The following FREM1 variants were observed in gnomAD, a reference collection of about 807,000 sequenced individuals.
FREM1 encodes FRAS1 related extracellular matrix 1, also known as FRAS1-related extracellular matrix protein 1.
In FREM1, 220 loss-of-function variants were observed where a neutral mutation model predicts 210.1. The ratio of observed to expected loss-of-function variants is 1.05; its 90% CI spans 0.94 to 1.17. The LOEUF (loss-of-function observed/expected upper bound fraction) is 1.17. FREM1 is among the 50% of genes most tolerant of loss of function. The pLI is 0.00. For synonymous variants in FREM1, 1,189 were observed against 980.2 expected (o/e 1.21, Z -3.98); for missense variants, 3,454 against 2,675.5 (o/e 1.29, Z -6.42).
At chr9:14,864,182 TC>T (rs972879552) in intron 2 of FREM1, among the ~76,000 whole-genome samples, 3 of 152,222 alleles carry the variant, frequency 2.0e-5, no homozygotes, top group African/African-American at 7.2e-5. Flanking sequence ...TAAATAAGTG[TC>T]TTTTTACCAC....
chr9:14,895,628 T>C (rs753212618), intron 1 of FREM1, among the ~76,000 whole-genome samples: 1 of 152,084 alleles, frequency 6.6e-6, no homozygotes, highest in Non-Finnish European at 1.5e-5. Context: ...GCCTTACTGT[T>C]GTGGAATATA....
At chr9:14,892,302 C>T (rs1319154483) in intron 1 of FREM1, among the ~76,000 whole-genome samples, 1 of 152,130 alleles carries the variant, frequency 6.6e-6, no homozygotes, top group Non-Finnish European at 1.5e-5. Flanking sequence ...ATCATTTGCA[C>T]ACACAAATTG....
rs1340162792 is a variant in FREM1, at chr9:14,836,777, GCTGTTCCCCATT to G, written c.1881+4658_1881+4669del. ...ATCAATCCCAGGAGGAGCCCTAACT[GCTGTTCCCCATT>G]CAACGCCCCTTTTAAGTAGGAAGTA... On this transcript the variant is annotated intron_variant, in intron 10 of 36. Transcript: ENST00000380880. This position sits in a 1 kb window ranked among gnomAD's most constrained non-coding sequence, Gnocchi z 4.9. Among the ~76,000 whole-genome samples, 1 of 152,168 alleles carries G rather than the reference GCTGTTCCCCATT, an allele frequency of 6.6e-6. No individual in the cohort carries two copies. Among genetic ancestry groups the G allele is most frequent in the African/African-American group, 2.4e-5 (1 of 41,422 alleles).
rs568943579 is a variant in FREM1 at position 14,804,008 on chromosome 9, T to C, written c.3471+948A>G. 1.7e-3 allele frequency among the ~76,000 whole-genome samples: 262 copies of C among 152,192 alleles called. 1 individual carries two copies. The highest frequency in any genetic ancestry group is 5.9e-3 in the African/African-American group (247 of 41,522). On this transcript the variant is annotated intron_variant, in intron 19 of 36. Transcript: ENST00000380880. ...TTGCAGATTGAATAGATTATTGAGA[T>C]TAGGACAACAAAAATTTTAGATCAA...
At chr9:14,759,993 G>A in intron 27 of FREM1, 92 bp from the exon 28 acceptor site, 1 of 987,838 alleles carries the variant, frequency 1.0e-6, no homozygotes, top group Non-Finnish European at 1.5e-6. Flanking sequence ...AAACGTGGTT[G>A]ATCAACCTAC....
intron 8 of FREM1, among the ~76,000 whole-genome samples, chr9:14,844,784 G>A (rs1360652903): frequency 2.0e-5 from 3 of 152,186 alleles, no homozygotes; most frequent in Non-Finnish European, 2.9e-5. Flanking sequence ...GGAAATTGTT[G>A]TATTGTGCTC....
At chr9:14,751,728 T>A (rs1415338543) in intron 29 of FREM1, 1 of 152,128 alleles carries the variant, frequency 6.6e-6, no homozygotes, top group Non-Finnish European at 1.5e-5. Context: ...CAACTGTCCA[T>A]CTATATGGTG....
intron 26 of FREM1, among the ~76,000 whole-genome samples, 183 bp downstream of exon 26, chr9:14,770,422 T>A (rs1338444959): frequency 1.3e-5 from 2 of 152,168 alleles, no homozygotes; most frequent in East Asian, 1.9e-4. Flanking sequence ...CCAGTCAGGA[T>A]AAATTTAGGA....
intron 24 of FREM1, among the ~76,000 whole-genome samples, chr9:14,780,531 A>G (rs1165934912): frequency 6.6e-6 from 1 of 151,854 alleles, no homozygotes; most frequent in Non-Finnish European, 1.5e-5. Context: ...CAGCTTGCTA[A>G]TCACTCGGTG....
At position 14,797,653 on chromosome 9, in the gene FREM1, G is replaced by A; in HGVS notation, c.3695-11C>T. ...ACGTCAACCTCATTCCTGGAAGAAG[G>A]AAAAAAAATAAGTAAATCTTCCTTA... On this transcript the variant is annotated splice_polypyrimidine_tract_variant and intron_variant, in intron 20 of 36. Coordinates refer to ENST00000380880, the MANE Select transcript of FREM1 (RefSeq NM_001379081.2). 5 of 1,595,008 alleles carry A rather than the reference G, an allele frequency of 3.1e-6. No homozygotes were observed. Among genetic ancestry groups the A allele is most frequent in the African/African-American group, 2.7e-5 (2 of 74,014 alleles).
intron 16 of FREM1, among the ~76,000 whole-genome samples, chr9:14,808,752 G>A (rs1046943062): frequency 1.3e-5 from 2 of 152,100 alleles, no homozygotes; most frequent in African/African-American, 4.8e-5. Flanking sequence ...TCACTGTTTA[G>A]GTCTTACATC....
chr9:14,764,329 T>C (rs1002413112), intron 27 of FREM1, among the ~76,000 whole-genome samples: 1 of 152,188 alleles, frequency 6.6e-6, no homozygotes, highest in African/African-American at 2.4e-5. Context: ...AGCAGACTAA[T>C]ACAACCATCG....
intron 16 of FREM1, 78 bp downstream of exon 16, chr9:14,812,734 A>G: frequency 7.0e-7 from 1 of 1,419,822 alleles, no homozygotes; most frequent in Non-Finnish European, 9.5e-7. Context: ...TGACTGTTTG[A>G]TTATGGGAGC....
At chr9:14,892,709 G>A (rs1338168939) in intron 1 of FREM1, among the ~76,000 whole-genome samples, 7 of 152,138 alleles carry the variant, frequency 4.6e-5, no homozygotes, top group African/African-American at 9.7e-5. Context: ...TGATGGAACT[G>A]CCATGAAAGA....
chr9:14,760,967 C>G (rs574761583), intron 27 of FREM1, among the ~76,000 whole-genome samples: 1 of 152,268 alleles, frequency 6.6e-6, no homozygotes, highest in African/African-American at 2.4e-5. Flanking sequence ...GCCTTTTATT[C>G]TAGATTTACA....
rs758625781 is a variant in FREM1 at position 14,830,638 on chromosome 9, CT to C, written c.1882-5647del. Among the ~76,000 whole-genome samples, 105 of 151,514 alleles carry C rather than the reference CT, an allele frequency of 6.9e-4. 1 individual carries two copies. Among genetic ancestry groups the C allele is most frequent in the Non-Finnish European group, 1.3e-3 (86 of 67,830 alleles). On this transcript the variant is annotated intron_variant, in intron 10 of 36. Transcript: ENST00000380880. ...ACCTCCTCCTCTTTCGGCTTTGGAG[CT>C]CCCCCCGCTCTGTTTCTGTATGGGG...
chr9:14,813,061 A>C lies in FREM1; in HGVS notation c.2644T>G (p.Phe882Val). ...SAEFVLHVEV[F>V]PVNDEPPVLK... ...ACTGGTGGCTCATCGTTGACAGGGA[A>C]TACCTAGGCAATGGAAAAAATGCAT... Residue 882 changes from phenylalanine to valine, a missense_variant, in exon 16 of 37, where the codon TTC becomes GTC. Phe to Val is a conservative substitution (Grantham distance 50). Transcript: ENST00000380880. The C allele has an allele frequency of 1.3e-6, 2 of 1,592,084 alleles. No homozygotes were observed. Among genetic ancestry groups the C allele is most frequent in the East Asian group, 2.2e-5 (1 of 44,478 alleles).
chr9:14,764,394 A>G (rs1339667324), intron 27 of FREM1, among the ~76,000 whole-genome samples: 4 of 152,210 alleles, frequency 2.6e-5, no homozygotes, highest in Admixed American at 2.6e-4. Context: ...CTTGGAAAAA[A>G]TTGCTAGGCT....
At chr9:14,864,597 A>G (rs1831174146) in intron 2 of FREM1, among the ~76,000 whole-genome samples, 1 of 152,210 alleles carries the variant, frequency 6.6e-6, no homozygotes, top group African/African-American at 2.4e-5. Flanking sequence ...CTCACTCAGA[A>G]TTATTAGGAG....
Sources: gnomAD v4.1 joint callset for allele counts (sites outside exome capture counted in the v4.1 genomes callset) on GRCh38, gnomAD v4.1.1 for gene constraint, Gnocchi (gnomAD v3.1) non-coding constraint, MANE v1.5 for transcripts, NCBI Gene and HGNC (gene_info 2026-07-23, HGNC 2026-07-21) for gene names.